Variants in SORCS3 observed in about 807,000 individuals in gnomAD.
SORCS3 encodes the protein VPS10 domain-containing receptor SorCS3.
A neutral mutation model predicts 146.3 loss-of-function variants in SORCS3; 57 were observed. The ratio of observed to expected loss-of-function variants is 0.39; its 90% CI spans 0.31 to 0.49. The LOEUF (loss-of-function observed/expected upper bound fraction) is 0.49. Ranked by LOEUF, SORCS3 falls within the 20% of genes least tolerant of loss-of-function variation. The pLI, the probability that SORCS3 is intolerant of heterozygous loss-of-function variation, is 0.92. For synonymous variants in SORCS3, 653 were observed against 618.5 expected (o/e 1.06, Z -0.83); for missense variants, 1,341 against 1,575.5 (o/e 0.85, Z 2.52).
chr10:104,751,970 A>ATATATAT, intron 1 of SORCS3, among the ~76,000 whole-genome samples: 1 of 51,940 alleles, frequency 1.9e-5, no homozygotes, highest in Non-Finnish European at 4.9e-5. Flanking sequence ...TATATATATA[A>ATATATAT]TAGTTTAGCA....
At chr10:104,903,607 C>T (rs1052257485) in intron 2 of SORCS3, among the ~76,000 whole-genome samples, 1 of 152,130 alleles carries the variant, frequency 6.6e-6, no homozygotes, top group Admixed American at 6.6e-5. Flanking sequence ...TCTTGGGACC[C>T]AGGAGTTGTT....
intron 5 of SORCS3, among the ~76,000 whole-genome samples, chr10:105,060,197 C>A (rs2055475552): frequency 6.6e-6 from 1 of 152,044 alleles, no homozygotes. Context: ...TGTGTGCGTG[C>A]TTGTGGATCC....
At chr10:104,830,431 G>T (rs1364596998) in intron 1 of SORCS3, among the ~76,000 whole-genome samples, 2 of 152,126 alleles carry the variant, frequency 1.3e-5, no homozygotes, top group South Asian at 2.1e-4. Context: ...CTCCCACCTA[G>T]GTTCCTGCTG....
chr10:105,211,199 C>T lies in SORCS3; in HGVS notation c.2324C>T (p.Ala775Val), dbSNP rs768928041. 6.2e-7 allele frequency: 1 copy of T among 1,614,078 alleles called. No homozygotes were observed. The highest frequency in any genetic ancestry group is 1.1e-5 in the South Asian group (1 of 91,076). ...QCVPAFWYNPASPSKDCSLGQ... is the reference protein window; with the variant it reads ...QCVPAFWYNPVSPSKDCSLGQ... ...GTCCCAGCTTTCTGGTACAATCCAG[C>T]ATCCCCATCAAAGGACTGCAGCCTT... is the stretch of plus-strand genomic sequence containing the variant. Residue 775 changes from alanine to valine, a missense_variant, in exon 17 of 27, where the codon GCA becomes GTA. Ala to Val is a moderately conservative substitution (Grantham distance 64, BLOSUM62 0). Transcript: ENST00000369701.
chr10:105,016,156 T>TATATATATATATATATATATATA (rs1554868994), intron 4 of SORCS3, among the ~76,000 whole-genome samples: 4 of 74,854 alleles, frequency 5.3e-5, no homozygotes, highest in Admixed American at 1.2e-4. Flanking sequence ...TATATATATA[T>TATATATATATATATATATATATA]TTTTTTTTTT....
At chr10:104,932,894 T>C (rs904383626) in intron 3 of SORCS3, among the ~76,000 whole-genome samples, 13 of 152,106 alleles carry the variant, frequency 8.5e-5, no homozygotes, top group Non-Finnish European at 1.3e-4. Context: ...TTCTTTTCTT[T>C]CTTTATTTAT....
At chr10:105,245,426 G>GT in intron 20 of SORCS3, 116 bp from the exon 21 acceptor site, 1 of 1,243,000 alleles carries the variant, frequency 8.0e-7, no homozygotes, top group Non-Finnish European at 1.1e-6. Context: ...TATAACGTTT[G>GT]TTTGTTTGTT....
chr10:105,163,872 A>G (rs2056287800), intron 11 of SORCS3, among the ~76,000 whole-genome samples: 1 of 139,998 alleles, frequency 7.1e-6, no homozygotes, highest in South Asian at 2.3e-4. Flanking sequence ...ACAGACACAC[A>G]GTTACGCACA....
chr10:104,641,988 T>C lies in SORCS3; in HGVS notation c.627+34T>C. The stretch of plus-strand genomic sequence containing the variant: ...CCACCCGGCGGCGGGTCCGCCTGTT[T>C]CCTGACACCGAAGGGGAATGGGGGG... On this transcript the variant is annotated intron_variant, in intron 1 of 26. Coordinates refer to ENST00000369701, the MANE Select transcript of SORCS3 (RefSeq NM_014978.3). The surrounding 1 kb of genome is among the most constrained non-coding windows in gnomAD (Gnocchi z 6.4). 2 of 471,436 alleles carry C rather than the reference T, an allele frequency of 4.2e-6. No homozygotes were observed. Among genetic ancestry groups the C allele is most frequent in the East Asian group, 2.0e-4 (2 of 10,018 alleles). 29.2% of individuals were successfully genotyped at this position (471,436 alleles called of 1,614,324 possible). A position where few individuals can be genotyped will look rare whatever the true frequency, so the allele number is the denominator to read the frequency against.
chr10:105,174,732 G>A (rs17204499), intron 13 of SORCS3, among the ~76,000 whole-genome samples: 15,196 of 151,914 alleles, frequency 0.1, 864 homozygotes, highest in Middle Eastern at 0.16. Flanking sequence ...CCTTCCTTTA[G>A]GTATCTGCCG....
At chr10:105,092,802 C>T (rs1004034028) in intron 6 of SORCS3, among the ~76,000 whole-genome samples, 27 of 152,116 alleles carry the variant, frequency 1.8e-4, no homozygotes, top group African/African-American at 6.5e-4. Context: ...AAAAACCTCC[C>T]AATGGACTAG....
chr10:104,798,200 G>T (rs1349548965), intron 1 of SORCS3, among the ~76,000 whole-genome samples: 1 of 152,150 alleles, frequency 6.6e-6, no homozygotes, highest in African/African-American at 2.4e-5. Context: ...GAGCTCTAAG[G>T]TACAGCTCTG....
intron 14 of SORCS3, among the ~76,000 whole-genome samples, chr10:105,195,676 T>G (rs2056540046): frequency 6.6e-6 from 1 of 152,192 alleles, no homozygotes; most frequent in African/African-American, 2.4e-5. Context: ...GTCTGAGTCA[T>G]GTATGCCCCA....
chr10:104,686,405 G>A (rs2016043835), intron 1 of SORCS3, among the ~76,000 whole-genome samples: 1 of 152,130 alleles, frequency 6.6e-6, no homozygotes, highest in Non-Finnish European at 1.5e-5. Context: ...TTAGACTGGA[G>A]TGACTTCAGC....
intron 3 of SORCS3, among the ~76,000 whole-genome samples, chr10:104,955,734 C>T (rs142769204): frequency 8.6e-4 from 131 of 152,252 alleles, no homozygotes; most frequent in African/African-American, 3.1e-3. Context: ...TCCTTTCCTT[C>T]GTCCAAGACT....
intron 5 of SORCS3, among the ~76,000 whole-genome samples, chr10:105,059,035 C>T (rs1401700748): frequency 1.3e-5 from 2 of 152,132 alleles, no homozygotes; most frequent in African/African-American, 4.8e-5. Context: ...GATCTCTGGA[C>T]CTGGGCCTCA....
chr10:104,900,884 A>G (rs1459169954), intron 2 of SORCS3, among the ~76,000 whole-genome samples: 1 of 103,356 alleles, frequency 9.7e-6, no homozygotes, highest in South Asian at 3.9e-4. Flanking sequence ...ACAGAGCAAG[A>G]CTCTATCTTG....
intron 4 of SORCS3, among the ~76,000 whole-genome samples, chr10:104,980,754 T>C (rs1467924375): frequency 6.6e-6 from 1 of 152,190 alleles, no homozygotes; most frequent in Non-Finnish European, 1.5e-5. Context: ...TTGAATGATA[T>C]TTTAAAAGGA....
At chr10:104,889,641 C>T (rs2018728466) in intron 2 of SORCS3, among the ~76,000 whole-genome samples, 1 of 152,082 alleles carries the variant, frequency 6.6e-6, no homozygotes, top group African/African-American at 2.4e-5. Context: ...GTATACTCTC[C>T]TTCCAGCCCT....
Sources: allele counts gnomAD v4.1 joint callset (sites outside exome capture counted in the v4.1 genomes callset), GRCh38; gene constraint gnomAD v4.1.1; non-coding constraint Gnocchi (gnomAD v3.1); transcripts MANE v1.5; gene names NCBI Gene and HGNC (gene_info 2026-07-23, HGNC 2026-07-21).